The following DNER variants were observed in gnomAD, a reference collection of about 807,000 sequenced individuals.
DNER encodes delta and Notch-like epidermal growth factor-related receptor.
A neutral mutation model predicts 78.2 loss-of-function variants in DNER; 33 were observed. The ratio of observed to expected loss-of-function variants is 0.42; its 90% CI spans 0.32 to 0.56. The LOEUF (loss-of-function observed/expected upper bound fraction) is 0.56, where lower values mean the gene tolerates loss of function less well. Ranked by LOEUF, DNER falls within the 20% of genes least tolerant of loss-of-function variation. The pLI, the probability that DNER is intolerant of heterozygous loss-of-function variation, is 0.11. For missense variants in DNER, 918 were observed against 975.3 expected, an observed-to-expected ratio of 0.94 and a Z score of 0.78; for synonymous variants, 417 against 384.8, an observed-to-expected ratio of 1.08 and a Z score of -0.98.
chr2:229,710,983 GCA>G (rs34720917), intron 1 of DNER, among the ~76,000 whole-genome samples: 1,732 of 139,708 alleles, frequency 0.012, 11 homozygotes, highest in East Asian at 0.028. Flanking sequence ...GCATACACGC[GCA>G]CACACACACA....
intron 1 of DNER, among the ~76,000 whole-genome samples, chr2:229,685,635 G>A (rs865899115): frequency 6.6e-6 from 1 of 152,162 alleles, no homozygotes; most frequent in Non-Finnish European, 1.5e-5. Context: ...ATCCTACAAT[G>A]AGCATTCTTC....
At chr2:229,653,943 G>A (rs147836207) in intron 1 of DNER, among the ~76,000 whole-genome samples, 238 of 152,284 alleles carry the variant, frequency 1.6e-3, no homozygotes, top group African/African-American at 5.2e-3. Flanking sequence ...TCATGAGGAC[G>A]TTCAGCAAGG....
Position 229,489,122 on chromosome 2 carries a change from C to T in DNER, c.1148-11869G>A, listed in dbSNP as rs548693219. On this transcript the variant is annotated intron_variant, in intron 6 of 12. Coordinates refer to ENST00000341772, the MANE Select transcript of DNER (RefSeq NM_139072.4). Reference sequence around the variant, plus strand: ...ACTTGGGCAATCTGGCCTCCCGGCCCAGCTGGGCTTTGCGGTCAGCCAGGC... The same window carrying T: ...ACTTGGGCAATCTGGCCTCCCGGCCTAGCTGGGCTTTGCGGTCAGCCAGGC... 6.6e-5 allele frequency among the ~76,000 whole-genome samples: 10 copies of T among 152,360 alleles called. No individual in the cohort carries two copies. In the South Asian group the frequency reaches 2.1e-3, roughly 32 times the overall value.
chr2:229,684,969 G>C (rs1699459695), intron 1 of DNER, among the ~76,000 whole-genome samples: 1 of 152,180 alleles, frequency 6.6e-6, no homozygotes, highest in Non-Finnish European at 1.5e-5. Flanking sequence ...AAAATAAAGA[G>C]ACTGAGCATA....
intron 5 of DNER, among the ~76,000 whole-genome samples, chr2:229,535,244 T>A (rs533596765): frequency 6.6e-6 from 1 of 152,290 alleles, no homozygotes; most frequent in East Asian, 1.9e-4. Flanking sequence ...ATGTAAGGGA[T>A]CTTGAGACCA....
chr2:229,388,468 TAAA>T, intron 10 of DNER, 72 bp from the exon 11 acceptor site: 2 of 1,509,544 alleles, frequency 1.3e-6, no homozygotes, highest in Non-Finnish European at 1.8e-6. Context: ...GGCCAAAAAA[TAAA>T]GATCCAAGGC....
intron 11 of DNER, among the ~76,000 whole-genome samples, chr2:229,379,645 C>T (rs1692690347): frequency 1.3e-5 from 2 of 152,102 alleles, no homozygotes; most frequent in Admixed American, 6.6e-5. Context: ...TTACTCTGCC[C>T]TAAAGGCACA....
rs777765172 is a variant in DNER at position 229,451,457 on chromosome 2, G to A, written c.1262-3917C>T. 9.4e-4 allele frequency among the ~76,000 whole-genome samples: 143 copies of A among 152,044 alleles called. 1 individual carries two copies. Among genetic ancestry groups the A allele is most frequent in the Non-Finnish European group, 5.0e-4 (34 of 67,952 alleles). Reference sequence around the variant, plus strand: ...GGGTGACAGAGCAAGACTCTGTCTCGAAAAATAAATAAACAAATAAATAAA... The same window carrying A: ...GGGTGACAGAGCAAGACTCTGTCTCAAAAAATAAATAAACAAATAAATAAA... On this transcript the variant is annotated intron_variant, in intron 7 of 12. Coordinates refer to ENST00000341772, the MANE Select transcript of DNER (RefSeq NM_139072.4).
At chr2:229,416,339 C>G (rs1418441245) in intron 9 of DNER, among the ~76,000 whole-genome samples, 1 of 152,170 alleles carries the variant, frequency 6.6e-6, no homozygotes, top group Non-Finnish European at 1.5e-5. Context: ...CAAAACTTTT[C>G]TCCCTCTCTG....
At chr2:229,646,579 A>G (rs1698722560) in intron 1 of DNER, among the ~76,000 whole-genome samples, 1 of 152,236 alleles carries the variant, frequency 6.6e-6, no homozygotes, top group African/African-American at 2.4e-5. Context: ...TAAACTTCTG[A>G]CAGATGCTCG....
intron 1 of DNER, among the ~76,000 whole-genome samples, chr2:229,664,674 T>G (rs1699059688): frequency 6.6e-6 from 1 of 152,158 alleles, no homozygotes; most frequent in African/African-American, 2.4e-5. Flanking sequence ...AGAAGCTTCA[T>G]AATTAGACCT....
intron 3 of DNER, among the ~76,000 whole-genome samples, chr2:229,586,540 AAAAAAAAAAAC>A (rs1697503819): frequency 1.3e-5 from 1 of 77,766 alleles, no homozygotes; most frequent in African/African-American, 7.3e-5. Context: ...AAAAAAAAAA[AAAAAAAAAAAC>A]ACACAAAACC....
chr2:229,491,976 CAG>C (rs1553535334), intron 6 of DNER, among the ~76,000 whole-genome samples: 4 of 146,616 alleles, frequency 2.7e-5, no homozygotes, highest in Non-Finnish European at 6.0e-5. Context: ...CACACACACA[CAG>C]ACACACAGAC....
intron 11 of DNER, among the ~76,000 whole-genome samples, chr2:229,387,483 A>AAAAGAAAGAAAG (rs58243326): frequency 2.6e-4 from 29 of 111,630 alleles, no homozygotes; most frequent in Non-Finnish European, 4.1e-4. Flanking sequence ...AATAGAAAGA[A>AAAAGAAAGAAAG]AAAGAAAGAA....
At chr2:229,637,107 C>T (rs1488502769) in intron 1 of DNER, among the ~76,000 whole-genome samples, 1 of 152,200 alleles carries the variant, frequency 6.6e-6, no homozygotes, top group African/African-American at 2.4e-5. Flanking sequence ...CCCACTCTAA[C>T]TAAGGAAAAG....
At chr2:229,456,678 G>T (rs906691594) in intron 7 of DNER, among the ~76,000 whole-genome samples, 1 of 151,926 alleles carries the variant, frequency 6.6e-6, no homozygotes, top group African/African-American at 2.4e-5. Flanking sequence ...CACCTCTATA[G>T]AAAATTCCTT....
intron 1 of DNER, among the ~76,000 whole-genome samples, chr2:229,602,353 T>A (rs374628190): frequency 1.3e-5 from 2 of 152,154 alleles, no homozygotes; most frequent in South Asian, 2.1e-4. Flanking sequence ...ATAAAGAGTA[T>A]CTACAAAAAA....
chr2:229,424,648 T>C (rs759503522), intron 8 of DNER, among the ~76,000 whole-genome samples: 1 of 152,128 alleles, frequency 6.6e-6, no homozygotes, highest in Non-Finnish European at 1.5e-5. Flanking sequence ...ATTACAGCCC[T>C]ACCCTTATAA....
intron 1 of DNER, among the ~76,000 whole-genome samples, chr2:229,707,479 G>T (rs565354427): frequency 6.6e-5 from 10 of 152,316 alleles, no homozygotes; most frequent in African/African-American, 2.4e-4. Context: ...GTCTTCATGT[G>T]CTTTCCTTCT....
Sources: gnomAD v4.1 joint callset for allele counts (sites outside exome capture counted in the v4.1 genomes callset) on GRCh38, gnomAD v4.1.1 for gene constraint, MANE v1.5 for transcripts, NCBI Gene and HGNC (gene_info 2026-07-23, HGNC 2026-07-21) for gene names.